The following GMDS variants were observed in gnomAD, a reference collection of about 807,000 sequenced individuals.
GMDS encodes GDP-mannose 4,6 dehydratase.
In GMDS, 20 loss-of-function variants were observed where a neutral mutation model predicts 49.9. That is an observed-to-expected ratio of 0.40 (90% CI 0.28 to 0.58). The LOEUF (loss-of-function observed/expected upper bound fraction) is 0.58, where lower values mean the gene tolerates loss of function less well. Among genes scored for constraint, GMDS ranks in the 20% least tolerant of loss-of-function variants. GMDS has a pLI of 0.42. For synonymous variants in GMDS, 177 were observed against 178.6 expected (o/e 0.99, Z 0.07); for missense variants, 362 against 481.4 (o/e 0.75, Z 2.32).
intron 1 of GMDS, among the ~76,000 whole-genome samples, chr6:2,131,894 T>C (rs1775759248): frequency 1.3e-5 from 2 of 151,794 alleles, no homozygotes; most frequent in African/African-American, 4.8e-5. Flanking sequence ...CATACTGAAG[T>C]TTTCATCCAT....
chr6:2,216,060 G>C (rs550399615), intron 1 of GMDS, among the ~76,000 whole-genome samples: 18 of 152,082 alleles, frequency 1.2e-4, no homozygotes, highest in African/African-American at 3.6e-4. Flanking sequence ...GGTATGTGGG[G>C]GCTCACTATA....
At chr6:1,765,425 T>C (rs1010544705) in intron 7 of GMDS, among the ~76,000 whole-genome samples, 2 of 152,060 alleles carry the variant, frequency 1.3e-5, no homozygotes, top group African/African-American at 4.8e-5. Context: ...GAAAAACCCC[T>C]CGAGCAGATA....
chr6:1,898,922 C>T (rs1024633903), intron 7 of GMDS, among the ~76,000 whole-genome samples: 4 of 152,158 alleles, frequency 2.6e-5, no homozygotes, highest in Admixed American at 6.5e-5. Context: ...TAAAGAACAT[C>T]ATGGATTACA....
chr6:2,154,170 G>T (rs539346035), intron 1 of GMDS, among the ~76,000 whole-genome samples: 119 of 152,112 alleles, frequency 7.8e-4, no homozygotes, highest in African/African-American at 2.7e-3. Flanking sequence ...TAAATTAAAA[G>T]ATTTTTATAT....
At chr6:2,123,941 T>G (rs7740536) in intron 2 of GMDS, among the ~76,000 whole-genome samples, 2,723 of 152,268 alleles carry the variant, frequency 0.018, 71 homozygotes, top group African/African-American at 0.061. Flanking sequence ...AATTACACAT[T>G]TTTAAAACAA....
chr6:1,799,470 T>A (rs1769862718), intron 7 of GMDS, among the ~76,000 whole-genome samples: 1 of 152,186 alleles, frequency 6.6e-6, no homozygotes, highest in South Asian at 2.1e-4. Context: ...AATTTTTAAA[T>A]GGGAAAACTG....
chr6:1,860,422 T>C (rs984297574), intron 7 of GMDS, among the ~76,000 whole-genome samples: 1 of 152,042 alleles, frequency 6.6e-6, no homozygotes, highest in Non-Finnish European at 1.5e-5. Flanking sequence ...AGGAAAAACA[T>C]TAGGGCAGAA....
At chr6:2,005,853 C>T (rs1767129326) in intron 4 of GMDS, among the ~76,000 whole-genome samples, 1 of 152,134 alleles carries the variant, frequency 6.6e-6, no homozygotes, top group Non-Finnish European at 1.5e-5. Context: ...CTTTATATAT[C>T]ACCACCTCCT....
intron 7 of GMDS, among the ~76,000 whole-genome samples, chr6:1,798,956 T>C (rs1016624278): frequency 2.0e-5 from 3 of 152,142 alleles, no homozygotes; most frequent in Non-Finnish European, 4.4e-5. Context: ...TCCCCCAACT[T>C]ACTTCTGTCA....
chr6:1,758,241 C>A (rs1462145362), intron 7 of GMDS, among the ~76,000 whole-genome samples: 8 of 152,240 alleles, frequency 5.3e-5, no homozygotes, highest in Non-Finnish European at 1.2e-4. Flanking sequence ...GGAATAATGG[C>A]CCCTCCTCCC....
intron 6 of GMDS, among the ~76,000 whole-genome samples, chr6:1,959,296 A>T (rs1763809861): frequency 6.6e-6 from 1 of 152,218 alleles, no homozygotes; most frequent in Non-Finnish European, 1.5e-5. Context: ...TGATTTGATC[A>T]CTACACATTG....
At chr6:2,085,070 A>G (rs1291878909) in intron 4 of GMDS, among the ~76,000 whole-genome samples, 5 of 152,210 alleles carry the variant, frequency 3.3e-5, no homozygotes, top group Non-Finnish European at 4.4e-5. Flanking sequence ...GAACATGTTC[A>G]CATTTAGAAA....
chr6:1,680,863 C>T (rs1318589281), intron 9 of GMDS, among the ~76,000 whole-genome samples: 4 of 152,128 alleles, frequency 2.6e-5, no homozygotes, highest in African/African-American at 9.7e-5. Context: ...CATAAGTGAC[C>T]TAAAAGGCAG....
chr6:2,101,580 A>G (rs1459197428), intron 4 of GMDS, among the ~76,000 whole-genome samples: 1 of 152,090 alleles, frequency 6.6e-6, no homozygotes, highest in Non-Finnish European at 1.5e-5. Flanking sequence ...GAGAAAGTAT[A>G]TCAAATCTAT....
intron 9 of GMDS, among the ~76,000 whole-genome samples, chr6:1,718,831 C>A (rs1346406130): frequency 6.6e-6 from 1 of 150,816 alleles, no homozygotes; most frequent in Non-Finnish European, 1.5e-5. Flanking sequence ...ATCTGAGAAG[C>A]TGAAGGTAAA....
At chr6:1,783,692 T>C (rs1215576107) in intron 7 of GMDS, among the ~76,000 whole-genome samples, 1 of 151,868 alleles carries the variant, frequency 6.6e-6, no homozygotes, top group Non-Finnish European at 1.5e-5. Flanking sequence ...TACTTGGCTA[T>C]TTTAAGAGGT....
chr6:2,071,269 C>G lies in GMDS; in HGVS notation c.345+44502G>C, dbSNP rs1649949987. ...AATTTTTAAGATAAAGTGCACAGGG[C>G]ATTTCAGCTGTCTTTATTTTTCTTT... On this transcript the variant is annotated intron_variant, in intron 4 of 10. Coordinates refer to ENST00000380815, the MANE Select transcript of GMDS (RefSeq NM_001500.4). Among the ~76,000 whole-genome samples the G allele has an allele frequency of 1.3e-5, 2 of 152,180 alleles. 1 individual carries two copies. The highest frequency in any genetic ancestry group is 4.8e-5 in the African/African-American group (2 of 41,432).
chr6:2,238,886 T>C (rs1211432202), intron 1 of GMDS, among the ~76,000 whole-genome samples: 2 of 152,242 alleles, frequency 1.3e-5, no homozygotes, highest in African/African-American at 4.8e-5. Flanking sequence ...CTTCATTCAT[T>C]TGATATGTCC....
chr6:2,073,193 G>C (rs977459226), intron 4 of GMDS, among the ~76,000 whole-genome samples: 3 of 152,214 alleles, frequency 2.0e-5, no homozygotes, highest in Admixed American at 2.0e-4. Context: ...GGGCCCCGGA[G>C]AGGCACCTTT....
Sources: gnomAD v4.1 joint callset for allele counts (sites outside exome capture counted in the v4.1 genomes callset) on GRCh38, gnomAD v4.1.1 for gene constraint, MANE v1.5 for transcripts, NCBI Gene and HGNC (gene_info 2026-07-23, HGNC 2026-07-21) for gene names.